PTPN12: variants seen among roughly 807,000 people sequenced by gnomAD.
PTPN12 encodes protein tyrosine phosphatase non-receptor type 12, also known as tyrosine-protein phosphatase non-receptor type 12.
PTPN12 carries 29 observed loss-of-function variants against 97.6 expected under a neutral mutation model. That is an observed-to-expected ratio of 0.30 (90% confidence interval 0.22 to 0.41). The LOEUF is 0.41. PTPN12 is among the 10% of genes least tolerant of loss of function. The pLI is 1.00. For synonymous variants in PTPN12, 327 were observed against 300.4 expected (o/e 1.09, Z -0.91); for missense variants, 819 against 926.0 (o/e 0.88, Z 1.50).
chr7:77,637,479 T>C (rs1789634391), intron 16 of PTPN12, among the ~76,000 whole-genome samples: 1 of 152,220 alleles, frequency 6.6e-6, no homozygotes. Flanking sequence ...GAATGAATTT[T>C]AGTAGTTAAC....
intron 11 of PTPN12, among the ~76,000 whole-genome samples, chr7:77,612,416 A>G (rs571125288): frequency 6.6e-6 from 1 of 152,290 alleles, no homozygotes; most frequent in Non-Finnish European, 1.5e-5. Flanking sequence ...TTTATAATGT[A>G]GAATCAAATG....
intron 2 of PTPN12, among the ~76,000 whole-genome samples, chr7:77,580,225 A>C (rs1220494540): frequency 6.6e-6 from 1 of 152,256 alleles, no homozygotes; most frequent in Admixed American, 6.5e-5. Flanking sequence ...AACACTTGGG[A>C]GCCTGAGCCA....
chr7:77,586,005 G>T (rs924507546), intron 5 of PTPN12, among the ~76,000 whole-genome samples: 1 of 152,056 alleles, frequency 6.6e-6, no homozygotes, highest in African/African-American at 2.4e-5. Flanking sequence ...CCAGGCTGGA[G>T]TGCAGTGGTA....
intron 12 of PTPN12, among the ~76,000 whole-genome samples, chr7:77,625,221 G>A (rs1211511869): frequency 1.3e-5 from 2 of 151,520 alleles, no homozygotes; most frequent in African/African-American, 2.4e-5. Flanking sequence ...AACAAAGCCT[G>A]GGCAACATAG....
At chr7:77,539,856 T>G (rs1215050651) in intron 1 of PTPN12, among the ~76,000 whole-genome samples, 1 of 152,136 alleles carries the variant, frequency 6.6e-6, no homozygotes, top group African/African-American at 2.4e-5. Flanking sequence ...AATTTTGTAT[T>G]TTTAGTAGAG....
intron 1 of PTPN12, among the ~76,000 whole-genome samples, chr7:77,566,881 A>G (rs1808286319): frequency 2.0e-5 from 3 of 152,160 alleles, no homozygotes. Flanking sequence ...CAGTTAATAC[A>G]GTAAATGATT....
In PTPN12 at chr7:77,614,867, G is replaced by A. The variant is rs899696350; in HGVS notation, c.940-3613G>A. Among the ~76,000 whole-genome samples the A allele has an allele frequency of 2.6e-4, 40 of 152,166 alleles. 1 individual carries two copies. Among genetic ancestry groups the A allele is most frequent in the Non-Finnish European group, 1.5e-4 (10 of 68,020 alleles). On this transcript the variant is annotated intron_variant, in intron 11 of 17. Coordinates refer to ENST00000248594, the MANE Select transcript of PTPN12 (RefSeq NM_002835.4). ...TACTACTTTTCTGACAATTTAATCG[G>A]TAAAAGTTTTGTTTAAATGTTCTGT...
chr7:77,599,487 G>A (rs1788126614), intron 7 of PTPN12, among the ~76,000 whole-genome samples: 1 of 151,996 alleles, frequency 6.6e-6, no homozygotes. Flanking sequence ...ATGAAGTCTT[G>A]CCATGTTGCT....
At chr7:77,593,360 G>A (rs1189988302) in intron 6 of PTPN12, among the ~76,000 whole-genome samples, 5 of 152,122 alleles carry the variant, frequency 3.3e-5, no homozygotes, top group Non-Finnish European at 7.4e-5. Flanking sequence ...GCATGCGTCT[G>A]TGTGCATGTG....
chr7:77,616,771 T>C (rs1425346769), intron 11 of PTPN12, among the ~76,000 whole-genome samples: 1 of 152,066 alleles, frequency 6.6e-6, no homozygotes, highest in Non-Finnish European at 1.5e-5. Context: ...TGATCAATAA[T>C]ATGTTGGGGG....
Position 77,626,714 on chromosome 7 carries a change from T to C in PTPN12, c.1035T>C (p.Val345=). The change falls in exon 13 of 18, where the codon GTT becomes GTC. Residue 345 remains valine (V), a synonymous_variant. Coordinates refer to ENST00000248594, the MANE Select transcript of PTPN12 (RefSeq NM_002835.4). Reference sequence around the variant, plus strand: ...AATGTTTGTTTTTCAGTTGCCTTGTTGAAGGGGATGCTAAAGAAGAAATAC... The same window carrying C: ...AATGTTTGTTTTTCAGTTGCCTTGTCGAAGGGGATGCTAAAGAAGAAATAC... ...PKPPRTRSCL[V]EGDAKEEILQ... The C allele has an allele frequency of 6.3e-7, 1 of 1,596,862 alleles. No homozygotes were observed. The highest frequency in any genetic ancestry group is 8.5e-7 in the Non-Finnish European group (1 of 1,172,130).
intron 1 of PTPN12, among the ~76,000 whole-genome samples, chr7:77,541,745 A>G (rs112963188): frequency 0.015 from 2,337 of 152,290 alleles, 23 homozygotes; most frequent in Admixed American, 0.032. Flanking sequence ...TGTCATTACT[A>G]TTCTATGAGT....
rs1789208205 is a variant in PTPN12, at chr7:77,626,916, A to G, written c.1237A>G (p.Thr413Ala). The G allele has an allele frequency of 6.2e-7, 1 of 1,609,462 alleles. No homozygotes were observed. ...ADLNRNYSKS[T>A]ELPGKNESTI... Reference sequence around the variant, plus strand: ...CCTCAACAGAAACTATAGTAAATCAACAGAACTTCCAGGGAAAAATGAATC... The same window carrying G: ...CCTCAACAGAAACTATAGTAAATCAGCAGAACTTCCAGGGAAAAATGAATC... Residue 413 changes from threonine to alanine, a missense_variant, in exon 13 of 18, where the codon ACA becomes GCA. Coordinates refer to ENST00000248594, the MANE Select transcript of PTPN12 (RefSeq NM_002835.4).
At chr7:77,606,536 A>G (rs1788378422) in intron 8 of PTPN12, among the ~76,000 whole-genome samples, 1 of 149,812 alleles carries the variant, frequency 6.7e-6, no homozygotes, top group Admixed American at 6.7e-5. Flanking sequence ...TGCTGGGACA[A>G]CAGGCATGAG....
intron 1 of PTPN12, chr7:77,563,935 G>T: frequency 6.8e-6 from 3 of 439,914 alleles, no homozygotes; most frequent in East Asian, 7.6e-5. Context: ...TTTTTTTTGA[G>T]ATGGAGCTCT....
Position 77,537,635 on chromosome 7 carries a change from G to A in PTPN12, c.89G>A (p.Arg30Gln), listed in dbSNP as rs138381153. ...PDHNGEDNFA[R>Q]DFMRLRRLST... Reference sequence around the variant, plus strand: ...CACAATGGGGAGGACAACTTCGCCCGGGACTTCATGGTGAGTCTCTCCCCT... The same window carrying A: ...CACAATGGGGAGGACAACTTCGCCCAGGACTTCATGGTGAGTCTCTCCCCT... Residue 30 changes from arginine (R) to glutamine (Q), a missense_variant, in exon 1 of 18, where the codon CGG (arginine) becomes CAG (glutamine). Around this residue, in one of 5 missense-constraint regions of PTPN12, gnomAD observed 59 missense variants for 42.2 expected, o/e 1.40. Coordinates refer to ENST00000248594, the MANE Select transcript of PTPN12 (RefSeq NM_002835.4). The A allele has an allele frequency of 5.4e-4, 866 of 1,596,406 alleles. 3 individuals are homozygous for A. The highest frequency in any genetic ancestry group is 2.7e-3 in the South Asian group (236 of 88,216).
intron 11 of PTPN12, among the ~76,000 whole-genome samples, chr7:77,611,631 GAC>G (rs1788572433): frequency 6.6e-6 from 1 of 152,170 alleles, no homozygotes; most frequent in Non-Finnish European, 1.5e-5. Context: ...TTTTAGTAGA[GAC>G]GGAGTTTCGC....
intron 1 of PTPN12, among the ~76,000 whole-genome samples, chr7:77,555,175 A>G (rs1023669594): frequency 2.6e-5 from 4 of 151,362 alleles, no homozygotes; most frequent in African/African-American, 9.7e-5. Flanking sequence ...CTCTTTAGGT[A>G]AGATGATTTT....
At chr7:77,550,226 A>G (rs1438158890) in intron 1 of PTPN12, among the ~76,000 whole-genome samples, 2 of 152,162 alleles carry the variant, frequency 1.3e-5, no homozygotes, top group Admixed American at 6.5e-5. Flanking sequence ...ACGTGTGGGT[A>G]GTAGAGATAG....
Sources: allele counts gnomAD v4.1 joint callset (sites outside exome capture counted in the v4.1 genomes callset), GRCh38; gene constraint gnomAD v4.1.1; regional missense constraint gnomAD v4.1.1; transcripts MANE v1.5; gene names NCBI Gene and HGNC (gene_info 2026-07-23, HGNC 2026-07-21).